Variants in ADCY8 observed in about 807,000 individuals in gnomAD.
ADCY8 encodes adenylate cyclase 8, also known as adenylate cyclase type 8.
A neutral mutation model predicts 119.7 loss-of-function variants in ADCY8; 51 were observed. That is an observed-to-expected ratio of 0.43 (90% CI 0.34 to 0.54). ADCY8 has a LOEUF of 0.54. Ranked by LOEUF, ADCY8 falls within the 20% of genes least tolerant of loss-of-function variation. The pLI, the probability that ADCY8 is intolerant of heterozygous loss-of-function variation, is 0.03. For synonymous variants in ADCY8, 665 were observed against 651.0 expected (o/e 1.02, Z -0.33); for missense variants, 1,383 against 1,598.8 (o/e 0.87, Z 2.30).
chr8:130,793,297 C>T (rs1055134325), intron 15 of ADCY8, among the ~76,000 whole-genome samples: 6 of 152,160 alleles, frequency 3.9e-5, no homozygotes, highest in Non-Finnish European at 5.9e-5. Flanking sequence ...CCAACCATCT[C>T]GGTTCACCCA....
At chr8:130,823,829 T>C (rs910494100) in intron 12 of ADCY8, among the ~76,000 whole-genome samples, 2 of 152,158 alleles carry the variant, frequency 1.3e-5, no homozygotes, top group African/African-American at 4.8e-5. Flanking sequence ...TTTTACCCCA[T>C]ACAAAAAAGT....
rs147603917 is a variant in ADCY8, at chr8:130,907,059, C to A, written c.1640+2649G>T. Reference sequence around the variant, plus strand: ...AACTGTATTATATGGTAACTACTACCAGCACAACCACAATAAATATTTACT... The same window carrying A: ...AACTGTATTATATGGTAACTACTACAAGCACAACCACAATAAATATTTACT... On this transcript the variant is annotated intron_variant, in intron 6 of 17. Transcript: ENST00000286355. Among the ~76,000 whole-genome samples the A allele has an allele frequency of 1.2e-3, 184 of 152,078 alleles. 3 individuals are homozygous for A. The highest frequency in any genetic ancestry group is 4.0e-3 in the African/African-American group (167 of 41,482).
chr8:130,860,867 A>G (rs554433494), intron 9 of ADCY8, among the ~76,000 whole-genome samples: 71 of 151,832 alleles, frequency 4.7e-4, no homozygotes, highest in Non-Finnish European at 7.2e-4. Flanking sequence ...TTCAACTCCC[A>G]CTTATGAGTG....
At chr8:130,833,885 GGT>G (rs1010704206) in intron 12 of ADCY8, among the ~76,000 whole-genome samples, 2 of 151,930 alleles carry the variant, frequency 1.3e-5, no homozygotes, top group East Asian at 3.9e-4. Context: ...AGAGACTTGA[GGT>G]GTGTGTGTGT....
Position 131,011,107 on chromosome 8 carries a change from G to T in ADCY8, c.961-20565C>A, listed in dbSNP as rs576110518. Among the ~76,000 whole-genome samples the T allele has an allele frequency of 4.6e-5, 7 of 151,928 alleles. 1 individual carries two copies. The highest frequency in any genetic ancestry group is 1.2e-4 in the African/African-American group (5 of 41,434). On this transcript the variant is annotated intron_variant, in intron 1 of 17. Transcript: ENST00000286355. ...CCAGTCTTCTGTGCCTCGAATCTAG[G>T]ATAGACGCATGCAGCCCCTGGCAGA...
At chr8:130,783,890 A>G in intron 16 of ADCY8, 85 bp from the exon 17 acceptor site, 1 of 1,016,198 alleles carries the variant, frequency 9.8e-7, no homozygotes, top group Non-Finnish European at 1.5e-6. Flanking sequence ...TTTACGTCCT[A>G]ACCCAACCCT....
intron 13 of ADCY8, 72 bp downstream of exon 13, chr8:130,821,269 AG>A: frequency 7.8e-7 from 1 of 1,286,550 alleles, no homozygotes. Context: ...TGCTGCAAAG[AG>A]CAGCAGAGGC....
chr8:130,783,847 G>T, intron 16 of ADCY8, 42 bp from the exon 17 acceptor site: 3 of 1,488,180 alleles, frequency 2.0e-6, no homozygotes, highest in Non-Finnish European at 2.8e-6. Context: ...AATGCGGAAT[G>T]TGGGGGAACA....
chr8:130,964,761 C>A (rs1384557416), intron 2 of ADCY8, among the ~76,000 whole-genome samples: 1 of 152,214 alleles, frequency 6.6e-6, no homozygotes, highest in Non-Finnish European at 1.5e-5. Context: ...AGTAGTTGAA[C>A]TAACTTACAT....
intron 15 of ADCY8, among the ~76,000 whole-genome samples, chr8:130,796,209 A>C (rs1444618437): frequency 6.6e-6 from 1 of 152,192 alleles, no homozygotes; most frequent in Non-Finnish European, 1.5e-5. Flanking sequence ...CCTCCCCCTC[A>C]GAAGATAATT....
chr8:130,805,087 C>T (rs2130129086), intron 14 of ADCY8, among the ~76,000 whole-genome samples: 2 of 151,946 alleles, frequency 1.3e-5, no homozygotes, highest in South Asian at 4.1e-4. Flanking sequence ...GTCTTTCCAT[C>T]ATTTGAAATA....
At chr8:130,800,979 C>A (rs933816093) in intron 14 of ADCY8, among the ~76,000 whole-genome samples, 1 of 152,166 alleles carries the variant, frequency 6.6e-6, no homozygotes, top group African/African-American at 2.4e-5. Context: ...AGGGGTTTTA[C>A]CTTCATGATC....
At chr8:130,990,803 C>A in intron 1 of ADCY8, 1 of 278,060 alleles carries the variant, frequency 3.6e-6, no homozygotes, top group Non-Finnish European at 6.6e-6. Flanking sequence ...GGGAAACCTG[C>A]TGTGAAAAAG....
At chr8:130,999,696 C>T (rs762223390) in intron 1 of ADCY8, among the ~76,000 whole-genome samples, 8 of 152,150 alleles carry the variant, frequency 5.3e-5, no homozygotes, top group South Asian at 2.1e-4. Flanking sequence ...TTATTCAGAG[C>T]GGAAAGAAGA....
chr8:130,787,029 C>T (rs1368036225), intron 15 of ADCY8, among the ~76,000 whole-genome samples: 2 of 151,942 alleles, frequency 1.3e-5, no homozygotes, highest in African/African-American at 4.8e-5. Context: ...TCAGTTTGGC[C>T]ACAGTGTGGT....
At chr8:130,894,720 C>T (rs1458124700) in intron 7 of ADCY8, among the ~76,000 whole-genome samples, 1 of 152,156 alleles carries the variant, frequency 6.6e-6, no homozygotes, top group Non-Finnish European at 1.5e-5. Flanking sequence ...TATATAAGTA[C>T]CGTGGCTGTT....
At chr8:130,787,585 A>T (rs1263205167) in intron 15 of ADCY8, among the ~76,000 whole-genome samples, 1 of 152,030 alleles carries the variant, frequency 6.6e-6, no homozygotes, top group Non-Finnish European at 1.5e-5. Flanking sequence ...TGATGTGTGT[A>T]TGTCTACATG....
At chr8:130,812,265 A>G (rs1335742715) in intron 14 of ADCY8, among the ~76,000 whole-genome samples, 3 of 147,636 alleles carry the variant, frequency 2.0e-5, no homozygotes, top group Non-Finnish European at 4.5e-5. Context: ...ACCATCGCCC[A>G]TGGAGCTTGA....
At chr8:130,808,558 T>C (rs912199962) in intron 14 of ADCY8, among the ~76,000 whole-genome samples, 3 of 152,178 alleles carry the variant, frequency 2.0e-5, no homozygotes, top group African/African-American at 7.2e-5. Context: ...GAAAGGGTTA[T>C]TATCATTTGC....
Sources: allele counts gnomAD v4.1 joint callset (sites outside exome capture counted in the v4.1 genomes callset), GRCh38; gene constraint gnomAD v4.1.1; transcripts MANE v1.5; gene names NCBI Gene and HGNC (gene_info 2026-07-23, HGNC 2026-07-21).